BRINP3: variants seen among roughly 807,000 people sequenced by gnomAD.
BRINP3 encodes the protein BMP/retinoic acid-inducible neural-specific protein 3.
Under a neutral mutation model 71.0 loss-of-function variants are expected in BRINP3, and 19 were observed. The ratio of observed to expected loss-of-function variants is 0.27; its 90% confidence interval spans 0.19 to 0.39. The LOEUF (loss-of-function observed/expected upper bound fraction) is 0.39. BRINP3 is among the 10% of genes least tolerant of loss of function. The pLI is 1.00. For synonymous variants in BRINP3, 380 were observed against 337.7 expected, an observed-to-expected ratio of 1.13 and a Z score of -1.37; for missense variants, 959 against 940.8, an observed-to-expected ratio of 1.02 and a Z score of -0.25.
chr1:190,369,247 C>T (rs180993461), intron 2 of BRINP3, among the ~76,000 whole-genome samples: 51 of 151,912 alleles, frequency 3.4e-4, no homozygotes, highest in Middle Eastern at 6.8e-3. Flanking sequence ...TATTTCAGTG[C>T]GAATAGGTAA....
intron 2 of BRINP3, among the ~76,000 whole-genome samples, chr1:190,340,874 C>T (rs1571798206): frequency 6.6e-6 from 1 of 151,636 alleles, no homozygotes; most frequent in Admixed American, 6.6e-5. Flanking sequence ...TCTATGTGAG[C>T]AGATATAAGC....
At position 190,164,761 on chromosome 1, in the gene BRINP3, CT is replaced by C. The variant is rs770247420; in HGVS notation, c.962-3872del. On this transcript the variant is annotated intron_variant, in intron 6 of 7. Coordinates refer to ENST00000367462, the MANE Select transcript of BRINP3 (RefSeq NM_199051.3). Reference sequence around the variant, plus strand: ...CTAGCTAATATTTTATCTTTTATCTCTTTTTTTTTTTGTAGACATGGGGTCT... The same window carrying C: ...CTAGCTAATATTTTATCTTTTATCTCTTTTTTTTTTGTAGACATGGGGTCT... 2.5e-3 allele frequency among the ~76,000 whole-genome samples: 363 copies of C among 145,368 alleles called. 2 individuals carry two copies. Among genetic ancestry groups the C allele is most frequent in the African/African-American group, 6.1e-3 (243 of 39,908 alleles).
chr1:190,131,111 T>G (rs1654504319), intron 7 of BRINP3, among the ~76,000 whole-genome samples: 3 of 142,884 alleles, frequency 2.1e-5, no homozygotes, highest in Non-Finnish European at 1.5e-5. Context: ...CCTCATTTTA[T>G]AGATGAAGAA....
chr1:190,413,985 C>T (rs758633257), intron 2 of BRINP3, among the ~76,000 whole-genome samples: 1 of 151,840 alleles, frequency 6.6e-6, no homozygotes, highest in Non-Finnish European at 1.5e-5. Flanking sequence ...TTTTTAGAGA[C>T]CAGGTGTTGC....
chr1:190,356,367 G>A (rs1336992186), intron 2 of BRINP3, among the ~76,000 whole-genome samples: 1 of 151,970 alleles, frequency 6.6e-6, no homozygotes, highest in Non-Finnish European at 1.5e-5. Context: ...AAGAAGATCA[G>A]TGTTTAACAG....
chr1:190,190,054 T>C (rs1001823313), intron 6 of BRINP3, among the ~76,000 whole-genome samples: 11 of 152,126 alleles, frequency 7.2e-5, no homozygotes, highest in African/African-American at 2.7e-4. Flanking sequence ...GAAGGCTGCC[T>C]GGGACCTTGG....
intron 1 of BRINP3, among the ~76,000 whole-genome samples, chr1:190,467,270 G>A (rs967532799): frequency 2.6e-5 from 4 of 151,414 alleles, no homozygotes; most frequent in Non-Finnish European, 5.9e-5. Context: ...AAAACTGTAA[G>A]CATCTTATGA....
At chr1:190,297,893 G>A (rs1430072673) in intron 2 of BRINP3, among the ~76,000 whole-genome samples, 1 of 151,578 alleles carries the variant, frequency 6.6e-6, no homozygotes, top group Non-Finnish European at 1.5e-5. Flanking sequence ...AACTGGAAGT[G>A]TTATTTTCTG....
At chr1:190,281,475 A>T in intron 3 of BRINP3, 85 bp downstream of exon 3, 1 of 1,246,026 alleles carries the variant, frequency 8.0e-7, no homozygotes, top group East Asian at 2.3e-5. Context: ...TACTGTAGCT[A>T]TCTTGATTAA....
chr1:190,212,726 G>C (rs187386091), intron 6 of BRINP3, among the ~76,000 whole-genome samples: 1 of 152,162 alleles, frequency 6.6e-6, no homozygotes, highest in African/African-American at 2.4e-5. Flanking sequence ...CATTACATAA[G>C]AGCCAGTGAC....
At chr1:190,176,911 A>G (rs1652559877) in intron 6 of BRINP3, among the ~76,000 whole-genome samples, 2 of 152,164 alleles carry the variant, frequency 1.3e-5, no homozygotes, top group African/African-American at 2.4e-5. Flanking sequence ...GCTTCTTTTA[A>G]CACATGGCCA....
At chr1:190,211,774 G>A (rs1656010041) in intron 6 of BRINP3, among the ~76,000 whole-genome samples, 1 of 152,052 alleles carries the variant, frequency 6.6e-6, no homozygotes, top group Non-Finnish European at 1.5e-5. Context: ...CACCTGTTTG[G>A]CACTCCATAG....
At chr1:190,179,667 A>G (rs1652856048) in intron 6 of BRINP3, among the ~76,000 whole-genome samples, 1 of 152,180 alleles carries the variant, frequency 6.6e-6, no homozygotes, top group Admixed American at 6.6e-5. Context: ...TCTCAATGAA[A>G]ACAAGATAAA....
intron 3 of BRINP3, among the ~76,000 whole-genome samples, chr1:190,280,268 G>T (rs1662934939): frequency 6.6e-6 from 1 of 151,792 alleles, no homozygotes; most frequent in African/African-American, 2.4e-5. Flanking sequence ...AATAGAGCAT[G>T]AGGAAGAAAT....
At chr1:190,295,529 G>A (rs1419632768) in intron 2 of BRINP3, among the ~76,000 whole-genome samples, 3 of 152,130 alleles carry the variant, frequency 2.0e-5, no homozygotes, top group Non-Finnish European at 4.4e-5. Flanking sequence ...ACTACAGCCT[G>A]CTTGCCACTG....
In BRINP3 at chr1:190,202,633, T is replaced by C. The variant is rs114981539; in HGVS notation, c.961+23449A>G. On this transcript the variant is annotated intron_variant, in intron 6 of 7. Coordinates refer to ENST00000367462, the MANE Select transcript of BRINP3 (RefSeq NM_199051.3). Reference sequence around the variant, plus strand: ...GTGGGAGGGACCTCATGGGGGATGATTGAATCATTGGGACAGGTCTTTCCC... The same window carrying C: ...GTGGGAGGGACCTCATGGGGGATGACTGAATCATTGGGACAGGTCTTTCCC... Among the ~76,000 whole-genome samples the C allele has an allele frequency of 2.5e-3, 384 of 152,244 alleles. 1 individual carries two copies. Among genetic ancestry groups the C allele is most frequent in the African/African-American group, 8.9e-3 (368 of 41,562 alleles).
intron 6 of BRINP3, among the ~76,000 whole-genome samples, chr1:190,175,367 A>T (rs962533286): frequency 1.3e-5 from 2 of 152,176 alleles, no homozygotes; most frequent in Admixed American, 6.6e-5. Flanking sequence ...ACTTTAAAAA[A>T]GTCATATTCT....
At chr1:190,193,307 A>G (rs1045711694) in intron 6 of BRINP3, among the ~76,000 whole-genome samples, 1 of 152,080 alleles carries the variant, frequency 6.6e-6, no homozygotes, top group African/African-American at 2.4e-5. Context: ...GATGAGAGGT[A>G]ATGTGTGAAG....
chr1:190,223,559 T>C (rs575813333), intron 6 of BRINP3, among the ~76,000 whole-genome samples: 4 of 152,038 alleles, frequency 2.6e-5, no homozygotes, highest in East Asian at 1.9e-4. Context: ...AACACTGTGC[T>C]GAATGAGAAA....
Sources: gnomAD v4.1 joint callset for allele counts (sites outside exome capture counted in the v4.1 genomes callset) on GRCh38, gnomAD v4.1.1 for gene constraint, MANE v1.5 for transcripts, NCBI Gene and HGNC (gene_info 2026-07-23, HGNC 2026-07-21) for gene names.